Variants in CYP7B1 observed in about 807,000 individuals in gnomAD.
CYP7B1 encodes cytochrome P450 7B1.
In CYP7B1, 29 loss-of-function variants were observed where a neutral mutation model predicts 42.7. The ratio of observed to expected loss-of-function variants is 0.68; its 90% CI spans 0.51 to 0.93. The LOEUF (loss-of-function observed/expected upper bound fraction) is 0.93. Among genes scored for constraint, CYP7B1 ranks in the 40% least tolerant of loss-of-function variants. The probability of loss-of-function intolerance (pLI) is 0.00; values close to 1 mark genes in which losing one functional copy is unlikely to be tolerated. For missense variants in CYP7B1, 655 were observed against 600.5 expected, an observed-to-expected ratio of 1.09 and a Z score of -0.95; for synonymous variants, 235 against 218.2, an observed-to-expected ratio of 1.08 and a Z score of -0.68.
chr8:64,727,268 T>C (rs961300453), intron 1 of CYP7B1, among the ~76,000 whole-genome samples: 12 of 152,224 alleles, frequency 7.9e-5, no homozygotes, highest in Admixed American at 2.6e-4. Context: ...ATTTTTATCC[T>C]TCTTATTTCT....
At chr8:64,744,238 G>A (rs1320179607) in intron 1 of CYP7B1, among the ~76,000 whole-genome samples, 1 of 152,112 alleles carries the variant, frequency 6.6e-6, no homozygotes, top group African/African-American at 2.4e-5. Context: ...TAAGAAGTTT[G>A]AAATGATGGA....
At chr8:64,773,301 C>T (rs1804265203) in intron 1 of CYP7B1, among the ~76,000 whole-genome samples, 1 of 152,130 alleles carries the variant, frequency 6.6e-6, no homozygotes, top group Non-Finnish European at 1.5e-5. Context: ...GCTTTAATTT[C>T]TTCTAATGTA....
intron 1 of CYP7B1, among the ~76,000 whole-genome samples, chr8:64,659,724 T>C (rs187267962): frequency 6.6e-6 from 1 of 152,282 alleles, no homozygotes; most frequent in East Asian, 1.9e-4. Context: ...AATAGGAGAA[T>C]ATAGGAGCTC....
rs930190836 is a variant in CYP7B1, at chr8:64,593,680, C to T, written c.*2962G>A. On this transcript the variant is annotated 3_prime_UTR_variant, in exon 6 of 6. Coordinates refer to ENST00000310193, the MANE Select transcript of CYP7B1 (RefSeq NM_004820.5). ...TTTTCAGAGATAAAAATCCAAGGAA[C>T]ATGGGCTCAGTAAACAAGCCATTCC... is the stretch of plus-strand genomic sequence containing the variant. 2.6e-5 allele frequency among the ~76,000 whole-genome samples: 4 copies of T among 152,198 alleles called. No individual in the cohort carries two copies. Among genetic ancestry groups the T allele is most frequent in the Admixed American group, 1.3e-4 (2 of 15,292 alleles).
Position 64,685,619 on chromosome 8 carries a change from C to T in CYP7B1, c.123-61080G>A, listed in dbSNP as rs1426249352. 3.0e-3 allele frequency among the ~76,000 whole-genome samples: 92 copies of T among 30,790 alleles called. 1 individual carries two copies. The highest frequency in any genetic ancestry group is 9.9e-3 in the African/African-American group (83 of 8,390). The allele number at this position is 30,790 out of a possible 152,430, so 20.2% of individuals were successfully genotyped here. ...GCCCCGTCTGAGAAGTGAGGAGACC[C>T]TCTGCCTGGCAACCACCCCGTCTGA... is the stretch of plus-strand genomic sequence containing the variant. On this transcript the variant is annotated intron_variant, in intron 1 of 5. Coordinates refer to ENST00000310193, the MANE Select transcript of CYP7B1 (RefSeq NM_004820.5).
intron 1 of CYP7B1, among the ~76,000 whole-genome samples, chr8:64,668,142 A>C (rs1806310440): frequency 6.6e-6 from 1 of 152,194 alleles, no homozygotes; most frequent in Non-Finnish European, 1.5e-5. Flanking sequence ...TGATGAATAC[A>C]TGACATGCCA....
At chr8:64,712,550 G>GA (rs1315751968) in intron 1 of CYP7B1, among the ~76,000 whole-genome samples, 2 of 151,750 alleles carry the variant, frequency 1.3e-5, no homozygotes, top group Non-Finnish European at 2.9e-5. Context: ...CTCCAGTTGT[G>GA]AAACTGGCAC....
chr8:64,714,378 G>C (rs374650142), intron 1 of CYP7B1, among the ~76,000 whole-genome samples: 5 of 152,214 alleles, frequency 3.3e-5, no homozygotes, highest in East Asian at 3.8e-4. Flanking sequence ...GAACATGTTA[G>C]CATTCAAACC....
In CYP7B1 at chr8:64,591,991, C is replaced by T. The variant is rs1185724564; in HGVS notation, c.*4651G>A. Among the ~76,000 whole-genome samples the T allele has an allele frequency of 2.0e-5, 3 of 151,996 alleles. No individual in the cohort carries two copies. Among genetic ancestry groups the T allele is most frequent in the Non-Finnish European group, 4.4e-5 (3 of 67,996 alleles). On this transcript the variant is annotated 3_prime_UTR_variant, in exon 6 of 6. Transcript: ENST00000310193. ...TCACCTGAGGTCTGGAGTTCGAGAC[C>T]AGCCTGATCAACATGGTGAAACCTC...
chr8:64,618,570 T>TTCTCTCTCTCTCTCTC lies in CYP7B1; in HGVS notation c.260-2305_260-2290dup, dbSNP rs10530120. 4.2e-3 allele frequency among the ~76,000 whole-genome samples: 618 copies of TTCTCTCTCTCTCTCTC among 146,338 alleles called. 5 individuals are homozygous for TTCTCTCTCTCTCTCTC. The highest frequency in any genetic ancestry group is 0.015 in the African/African-American group (600 of 39,344). ...ATCATTACAAATACACACATTCATT[T>TTCTCTCTCTCTCTCTC]TCTCTCTCTCTCTCTCTCTTTCTCT... On this transcript the variant is annotated intron_variant, in intron 2 of 5. Coordinates refer to ENST00000310193, the MANE Select transcript of CYP7B1 (RefSeq NM_004820.5).
chr8:64,784,924 C>T (rs1804496352), intron 1 of CYP7B1, among the ~76,000 whole-genome samples: 1 of 152,120 alleles, frequency 6.6e-6, no homozygotes, highest in East Asian at 1.9e-4. Flanking sequence ...TGCAAGGACA[C>T]TGTTAAAAGA....
At chr8:64,759,623 G>C (rs746901014) in intron 1 of CYP7B1, among the ~76,000 whole-genome samples, 4 of 152,098 alleles carry the variant, frequency 2.6e-5, no homozygotes, top group African/African-American at 4.8e-5. Flanking sequence ...TGAACTGTTA[G>C]ACTTTTATGA....
chr8:64,709,465 A>T (rs1423040510), intron 1 of CYP7B1, among the ~76,000 whole-genome samples: 1 of 152,234 alleles, frequency 6.6e-6, no homozygotes. Context: ...ATGTATGTAT[A>T]TATAGTCATT....
At chr8:64,671,182 C>A (rs1377609593) in intron 1 of CYP7B1, among the ~76,000 whole-genome samples, 1 of 151,946 alleles carries the variant, frequency 6.6e-6, no homozygotes, top group Non-Finnish European at 1.5e-5. Flanking sequence ...ATGCCTCCCC[C>A]TCCATGTATA....
At chr8:64,783,730 A>T (rs1047743594) in intron 1 of CYP7B1, among the ~76,000 whole-genome samples, 2 of 152,158 alleles carry the variant, frequency 1.3e-5, no homozygotes, top group Non-Finnish European at 2.9e-5. Flanking sequence ...TTCCAGACAA[A>T]GCTTTGCTCA....
intron 5 of CYP7B1, 23 bp downstream of exon 5, chr8:64,604,659 T>C: frequency 2.5e-6 from 4 of 1,613,598 alleles, no homozygotes; most frequent in Non-Finnish European, 3.4e-6. Context: ...GAAGTAGCAA[T>C]CATAGGCTTG....
intron 1 of CYP7B1, among the ~76,000 whole-genome samples, chr8:64,767,007 T>C (rs1807982688): frequency 6.6e-6 from 1 of 152,204 alleles, no homozygotes; most frequent in Admixed American, 6.5e-5. Context: ...AGCCACTAAG[T>C]TGTGACTGGG....
chr8:64,665,607 A>T (rs1806265983), intron 1 of CYP7B1, among the ~76,000 whole-genome samples: 2 of 77,604 alleles, frequency 2.6e-5, no homozygotes. Flanking sequence ...ACGGAGTTTC[A>T]CTCTTGTTGC....
At chr8:64,798,257 G>C (rs1804737210) in intron 1 of CYP7B1, among the ~76,000 whole-genome samples, 1 of 152,226 alleles carries the variant, frequency 6.6e-6, no homozygotes, top group African/African-American at 2.4e-5. Context: ...ATGGAATTCG[G>C]TCCCAAAGCT....
Sources: gnomAD v4.1 joint callset for allele counts (sites outside exome capture counted in the v4.1 genomes callset) on GRCh38, gnomAD v4.1.1 for gene constraint, MANE v1.5 for transcripts, NCBI Gene and HGNC (gene_info 2026-07-23, HGNC 2026-07-21) for gene names.